DNM3: variants seen among roughly 807,000 people sequenced by gnomAD.
DNM3 encodes dynamin 3, also known as dynamin-3.
Under a neutral mutation model 101.6 loss-of-function variants are expected in DNM3, and 47 were observed. The ratio of observed to expected loss-of-function variants is 0.46; its 90% CI spans 0.37 to 0.59. The LOEUF (loss-of-function observed/expected upper bound fraction) is 0.59, where lower values mean the gene tolerates loss of function less well. DNM3 is among the 20% of genes least tolerant of loss of function. DNM3 has a pLI of 0.00. For synonymous variants in DNM3, 385 were observed against 387.9 expected, an observed-to-expected ratio of 0.99 and a Z score of 0.09; for missense variants, 849 against 1,085.7, an observed-to-expected ratio of 0.78 and a Z score of 3.06.
chr1:172,210,797 A>G (rs1425474965), intron 14 of DNM3, among the ~76,000 whole-genome samples: 1 of 152,142 alleles, frequency 6.6e-6, no homozygotes, highest in Non-Finnish European at 1.5e-5. Context: ...CCGAGGCTTC[A>G]ACATACATCA....
intron 2 of DNM3, among the ~76,000 whole-genome samples, chr1:171,943,472 C>G (rs2041952798): frequency 6.6e-6 from 1 of 152,154 alleles, no homozygotes; most frequent in African/African-American, 2.4e-5. Context: ...AACCTGCTAC[C>G]TGGAGGCTTC....
intron 16 of DNM3, 53 bp from the exon 17 acceptor site, chr1:172,323,276 T>C (rs1370019051): frequency 1.4e-5 from 21 of 1,523,168 alleles, no homozygotes; most frequent in Non-Finnish European, 1.8e-5. Context: ...AATTTTAAAA[T>C]AAATTTCTGT....
chr1:171,864,664 G>A (rs760625471), intron 1 of DNM3: 1 of 152,224 alleles, frequency 6.6e-6, no homozygotes, highest in African/African-American at 2.4e-5. Flanking sequence ...AGACACCTCT[G>A]TTTGGAAGGA....
intron 17 of DNM3, among the ~76,000 whole-genome samples, chr1:172,369,682 A>G (rs912436553): frequency 6.6e-6 from 1 of 151,948 alleles, no homozygotes; most frequent in Non-Finnish European, 1.5e-5. Flanking sequence ...AGTGTAACAT[A>G]TACATTAGAT....
Position 171,947,854 on chromosome 1 carries a change from G to A in DNM3, c.235+26033G>A, listed in dbSNP as rs561634087. On this transcript the variant is annotated intron_variant, in intron 2 of 20. Transcript: ENST00000627582. Reference sequence around the variant, plus strand: ...ATTTTAAAGTGTTTAATATCGCAAAGGTCTTTGAATTTTAGCAGAGAAAAT... The same window carrying A: ...ATTTTAAAGTGTTTAATATCGCAAAAGTCTTTGAATTTTAGCAGAGAAAAT... Among the ~76,000 whole-genome samples, 3 of 152,306 alleles carry A rather than the reference G, an allele frequency of 2.0e-5. No individual in the cohort carries two copies. In the East Asian group the frequency reaches 5.8e-4, roughly 29 times the overall value.
chr1:171,863,060 A>C (rs61333967), intron 1 of DNM3, among the ~76,000 whole-genome samples: 1 of 131,376 alleles, frequency 7.6e-6, no homozygotes, highest in African/African-American at 2.8e-5. Context: ...TTTTTTTTTT[A>C]AAGACAATAC....
chr1:172,150,661 G>T (rs921638495), intron 14 of DNM3, among the ~76,000 whole-genome samples: 7 of 152,178 alleles, frequency 4.6e-5, no homozygotes, highest in African/African-American at 1.7e-4. Context: ...TGTCGTGTGG[G>T]TATTCTGGAG....
intron 17 of DNM3, among the ~76,000 whole-genome samples, chr1:172,353,055 C>T (rs543889509): frequency 2.9e-4 from 44 of 152,200 alleles, no homozygotes; most frequent in South Asian, 1.2e-3. Flanking sequence ...CTCACACTTC[C>T]GCCACCCACA....
intron 20 of DNM3, among the ~76,000 whole-genome samples, chr1:172,400,441 A>AAGGAGGGAAGGAGGGAAGGGGCAGGAC (rs1470781701): frequency 6.6e-6 from 1 of 151,910 alleles, no homozygotes; most frequent in Non-Finnish European, 1.5e-5. Context: ...AGGGGCAGGA[A>AAGGAGGGAAGGAGGGAAGGGGCAGGAC]AGGAGGGAAG....
chr1:172,257,149 C>T (rs1352270314), intron 15 of DNM3, among the ~76,000 whole-genome samples: 1 of 152,032 alleles, frequency 6.6e-6, no homozygotes, highest in Admixed American at 6.6e-5. Context: ...TGTCTATAGT[C>T]ATTATCTTTT....
At chr1:171,917,252 C>A (rs1245078921) in intron 1 of DNM3, among the ~76,000 whole-genome samples, 1 of 151,026 alleles carries the variant, frequency 6.6e-6, no homozygotes, top group Admixed American at 6.6e-5. Context: ...ATTGAAGAAA[C>A]CATCTCTGTA....
At chr1:172,078,790 A>G (rs1043575923) in intron 11 of DNM3, among the ~76,000 whole-genome samples, 2 of 152,020 alleles carry the variant, frequency 1.3e-5, no homozygotes, top group African/African-American at 4.8e-5. Context: ...TTAGTGCTTC[A>G]TTCAGGAGCT....
chr1:171,899,065 G>A (rs531775842), intron 1 of DNM3, among the ~76,000 whole-genome samples: 1 of 152,200 alleles, frequency 6.6e-6, no homozygotes, highest in African/African-American at 2.4e-5. Context: ...CGCTTGCCTA[G>A]CTGGGCTGAG....
intron 18 of DNM3, among the ~76,000 whole-genome samples, chr1:172,384,492 C>CA (rs2069086904): frequency 1.3e-5 from 2 of 152,300 alleles, no homozygotes; most frequent in South Asian, 2.1e-4. Flanking sequence ...ACCTGAGACT[C>CA]AAACAGTTTA....
At chr1:172,377,745 T>C (rs1350375119) in intron 17 of DNM3, among the ~76,000 whole-genome samples, 1 of 151,674 alleles carries the variant, frequency 6.6e-6, no homozygotes. Context: ...TCCCAAATCA[T>C]GAGGTCATGC....
intron 13 of DNM3, among the ~76,000 whole-genome samples, chr1:172,093,483 G>GATAATGAATATTTGCATTGTTATTTCTTT (rs2054048619): frequency 6.6e-6 from 1 of 152,152 alleles, no homozygotes; most frequent in Non-Finnish European, 1.5e-5. Flanking sequence ...TGTTTTATGT[G>GATAATGAATATTTGCATTGTTATTTCTTT]ATAATGAATA....
Position 172,056,847 on chromosome 1 carries a change from C to T in DNM3, c.1335+8097C>T, listed in dbSNP as rs549706641. Among the ~76,000 whole-genome samples the T allele has an allele frequency of 3.7e-3, 565 of 152,194 alleles. 7 individuals carry two copies. Among genetic ancestry groups the T allele is most frequent in the African/African-American group, 0.012 (518 of 41,458 alleles). Reference sequence around the variant, plus strand: ...CAAAGGAACAAAGCTGGACGGAGAACGACTTTGACGAGCTGAGAGAAGAAG... The same window carrying T: ...CAAAGGAACAAAGCTGGACGGAGAATGACTTTGACGAGCTGAGAGAAGAAG... On this transcript the variant is annotated intron_variant, in intron 10 of 20. Coordinates refer to ENST00000627582, the MANE Select transcript of DNM3 (RefSeq NM_015569.5).
Position 172,407,773 on chromosome 1 carries a change from C to T in DNM3, c.2524C>T (p.Arg842Trp), listed in dbSNP as rs375501050. Residue 842 changes from arginine to tryptophan, a missense_variant and splice_region_variant, in exon 21 of 21, where the codon CGG (arginine) becomes TGG (tryptophan). By Grantham distance (101) the Arg-to-Trp change is moderately radical (BLOSUM62 -3). Around this residue, in one of 5 missense-constraint regions of DNM3, gnomAD observed 256 missense variants for 311.7 expected, o/e 0.82. Transcript: ENST00000627582. ...PTRAPPSVPSRRPPPSPTRPT... is the reference protein window; with the variant it reads ...PTRAPPSVPSWRPPPSPTRPT... ...ACCTTTCTCTTTTTCTCTTTCTAGCCGGAGACCACCCCCATCACCAACTCG... is the reference window on the plus strand; with the variant it reads ...ACCTTTCTCTTTTTCTCTTTCTAGCTGGAGACCACCCCCATCACCAACTCG... 18 of 1,612,750 alleles carry T rather than the reference C, an allele frequency of 1.1e-5. No homozygotes were observed. Among genetic ancestry groups the T allele is most frequent in the Admixed American group, 5.0e-5 (3 of 59,932 alleles).
At chr1:172,017,399 T>C (rs1315608177) in intron 4 of DNM3, among the ~76,000 whole-genome samples, 1 of 152,180 alleles carries the variant, frequency 6.6e-6, no homozygotes, top group Non-Finnish European at 1.5e-5. Flanking sequence ...TAAGTTGTAT[T>C]TTCATTTAGT....
Sources: gnomAD v4.1 joint callset for allele counts (sites outside exome capture counted in the v4.1 genomes callset) on GRCh38, gnomAD v4.1.1 for gene constraint, gnomAD v4.1.1 regional missense constraint, MANE v1.5 for transcripts, NCBI Gene and HGNC (gene_info 2026-07-23, HGNC 2026-07-21) for gene names.